PCDHGA3: variants seen among roughly 807,000 people sequenced by gnomAD.
The protein encoded by PCDHGA3 is protocadherin gamma-A3.
In PCDHGA3, 40 loss-of-function variants were observed where a neutral mutation model predicts 58.5. The ratio of observed to expected loss-of-function variants is 0.68; its 90% CI spans 0.53 to 0.89. The LOEUF (loss-of-function observed/expected upper bound fraction) is 0.89. Among genes scored for constraint, PCDHGA3 ranks in the 40% least tolerant of loss-of-function variants. PCDHGA3 has a pLI of 0.00. For missense variants in PCDHGA3, 1,223 were observed against 1,195.9 expected (o/e 1.02, Z -0.33); for synonymous variants, 530 against 525.7 (o/e 1.01, Z -0.11).
chr5:141,466,992 A>ATTT (rs985433044), intron 1 of PCDHGA3, among the ~76,000 whole-genome samples: 1 of 148,706 alleles, frequency 6.7e-6, no homozygotes, highest in African/African-American at 2.5e-5. Flanking sequence ...ACCTTTTGGC[A>ATTT]TTTTTTTGCA....
At chr5:141,386,658 G>A (rs191902245) in intron 1 of PCDHGA3, among the ~76,000 whole-genome samples, 60 of 151,932 alleles carry the variant, frequency 3.9e-4, no homozygotes, top group African/African-American at 1.4e-3. Context: ...TACAAGTTCT[G>A]CAGTGTTCAC....
In PCDHGA3 at chr5:141,491,737, G is replaced by A; in HGVS notation, c.2425-3070G>A. The A allele has an allele frequency of 6.2e-7, 1 of 1,600,586 alleles. No homozygotes were observed. Among genetic ancestry groups the A allele is most frequent in the Non-Finnish European group, 8.5e-7 (1 of 1,174,266 alleles). On this transcript the variant is annotated intron_variant, in intron 1 of 3. Coordinates refer to ENST00000253812, the MANE Select transcript of PCDHGA3 (RefSeq NM_018916.4). This position sits in a 1 kb window ranked among gnomAD's most constrained non-coding sequence, Gnocchi z 6.9. ...GGCGCCGCCCCGGGCGACCCCTGGG[G>A]GCGGCACTGGAGAAGCCGCCCGTCC...
intron 2 of PCDHGA3, among the ~76,000 whole-genome samples, chr5:141,498,792 G>A (rs1217057199): frequency 2.6e-5 from 4 of 152,086 alleles, no homozygotes; most frequent in Admixed American, 2.6e-4. Context: ...TATTAGCCAG[G>A]TGTGGTGGTG....
At chr5:141,502,074 C>G (rs73794927) in intron 2 of PCDHGA3, among the ~76,000 whole-genome samples, 1,657 of 152,272 alleles carry the variant, frequency 0.011, 27 homozygotes, top group African/African-American at 0.037. Flanking sequence ...CCCCCTTCAC[C>G]TGGGGCTGAG....
In PCDHGA3 at chr5:141,387,872, G is replaced by T. The variant is rs1436610477; in HGVS notation, c.2424+41415G>T. ...TCTCCAGGCTGGTGAGCAAGCTGAG[G>T]AGAGCAAGAGGGATGGGGAGCGGCG... is the stretch of plus-strand genomic sequence containing the variant. On this transcript the variant is annotated intron_variant, in intron 1 of 3. Coordinates refer to ENST00000253812, the MANE Select transcript of PCDHGA3 (RefSeq NM_018916.4). The T allele has an allele frequency of 1.8e-5, 28 of 1,588,586 alleles. No homozygotes were observed. In the Admixed American group the frequency reaches 4.7e-4, roughly 26 times the overall value.
intron 1 of PCDHGA3, chr5:141,375,488 G>A: frequency 6.2e-7 from 1 of 1,613,976 alleles, no homozygotes; most frequent in East Asian, 2.2e-5. Flanking sequence ...CCCCAGGGGT[G>A]CCTCCATCTT....
rs754225999 is a variant in PCDHGA3, at chr5:141,489,509, T to C, written c.2425-5298T>C. The C allele has an allele frequency of 1.2e-6, 2 of 1,614,062 alleles. No homozygotes were observed. The highest frequency in any genetic ancestry group is 1.1e-5 in the South Asian group (1 of 91,074). On this transcript the variant is annotated intron_variant, in intron 1 of 3. Coordinates refer to ENST00000253812, the MANE Select transcript of PCDHGA3 (RefSeq NM_018916.4). The surrounding 1 kb of genome is among the most constrained non-coding windows in gnomAD (Gnocchi z 4.5). ...GGTGCCCTGGCAGTGAATCAAAAGA[T>C]TGACCGAGAAAGCCTATGTGGAGCC...
chr5:141,393,776 C>G, intron 1 of PCDHGA3: 1 of 1,613,714 alleles, frequency 6.2e-7, no homozygotes, highest in Admixed American at 1.7e-5. Flanking sequence ...AAATACAAGC[C>G]GAAGATGTGG....
intron 2 of PCDHGA3, among the ~76,000 whole-genome samples, chr5:141,500,184 TTTTATTTA>T (rs58019021): frequency 0.099 from 13,469 of 135,812 alleles, 757 homozygotes; most frequent in African/African-American, 0.15. Context: ...TCATTTTTAT[TTTTATTTA>T]TTTATTTATT....
rs368105487 is a variant in PCDHGA3 at position 141,489,478 on chromosome 5, A to G, written c.2425-5329A>G. On this transcript the variant is annotated intron_variant, in intron 1 of 3. Transcript: ENST00000253812. This position sits in a 1 kb window ranked among gnomAD's most constrained non-coding sequence, Gnocchi z 4.5. Reference sequence around the variant, plus strand: ...TGGGCGCTATTTTTCCCTGAGCTTGATGAGTGGTGCCCTGGCAGTGAATCA... The same window carrying G: ...TGGGCGCTATTTTTCCCTGAGCTTGGTGAGTGGTGCCCTGGCAGTGAATCA... The G allele has an allele frequency of 1.1e-5, 18 of 1,613,956 alleles. No individual in the cohort carries two copies. The highest frequency in any genetic ancestry group is 1.5e-5 in the Non-Finnish European group (18 of 1,180,030).
chr5:141,408,720 A>T, intron 1 of PCDHGA3: 1 of 1,611,332 alleles, frequency 6.2e-7, no homozygotes, highest in Non-Finnish European at 8.5e-7. Context: ...TATAAGATAA[A>T]CTCTAATCCT....
At chr5:141,428,124 C>G in intron 1 of PCDHGA3, 2 of 1,605,400 alleles carry the variant, frequency 1.2e-6, no homozygotes, top group Non-Finnish European at 1.7e-6. Flanking sequence ...CGAGCCCGGG[C>G]TTTTCAGCCT....
chr5:141,423,268 T>G (rs752667215), intron 1 of PCDHGA3: 1 of 1,613,552 alleles, frequency 6.2e-7, no homozygotes, highest in South Asian at 1.1e-5. Flanking sequence ...CAGCCTCGAG[T>G]CTCTGGCTAA....
chr5:141,490,906 G>C lies in PCDHGA3; in HGVS notation c.2425-3901G>C. On this transcript the variant is annotated intron_variant, in intron 1 of 3. Transcript: ENST00000253812. The surrounding 1 kb of genome is among the most constrained non-coding windows in gnomAD (Gnocchi z 5.4). ...CACATCTCTGCATGTGTTTGTCCTA[G>C]ACGAGAATGATAATGCCCCAGCTGT... The C allele has an allele frequency of 1.9e-6, 3 of 1,613,798 alleles. No individual in the cohort carries two copies. The highest frequency in any genetic ancestry group is 2.5e-6 in the Non-Finnish European group (3 of 1,179,808).
In PCDHGA3 at chr5:141,486,661, G is replaced by T. The variant is rs373446844; in HGVS notation, c.2425-8146G>T. ...CGCTTATCTCCTACTCACTCCTGGA[G>T]CCCAGGAATCGAGATGTATCAGCTT... is the stretch of plus-strand genomic sequence containing the variant. On this transcript the variant is annotated intron_variant, in intron 1 of 3. Transcript: ENST00000253812. The surrounding 1 kb of genome is among the most constrained non-coding windows in gnomAD (Gnocchi z 5.0). 6.2e-6 allele frequency: 10 copies of T among 1,613,836 alleles called. No individual in the cohort carries two copies. Among genetic ancestry groups the T allele is most frequent in the African/African-American group, 4.0e-5 (3 of 74,918 alleles).
intron 1 of PCDHGA3, chr5:141,414,615 G>A: frequency 6.2e-7 from 1 of 1,613,962 alleles, no homozygotes; most frequent in Non-Finnish European, 8.5e-7. Context: ...CAGTGACAGC[G>A]CTGGACCCGG....
At chr5:141,471,802 A>G (rs2154571076) in intron 1 of PCDHGA3, among the ~76,000 whole-genome samples, 1 of 152,362 alleles carries the variant, frequency 6.6e-6, no homozygotes, top group African/African-American at 2.4e-5. Context: ...TATAAAAGAC[A>G]TATAAAAGAC....
intron 1 of PCDHGA3, chr5:141,361,668 C>A: frequency 1.2e-6 from 2 of 1,613,670 alleles, no homozygotes; most frequent in Non-Finnish European, 1.7e-6. Flanking sequence ...GCGCGCAGAG[C>A]GGGGTGGTGT....
intron 1 of PCDHGA3, chr5:141,361,959 G>A: frequency 6.2e-7 from 1 of 1,602,806 alleles, no homozygotes; most frequent in Non-Finnish European, 8.5e-7. Flanking sequence ...CCTACCACGT[G>A]CTGCAGGCCA....
Sources: allele counts gnomAD v4.1 joint callset (sites outside exome capture counted in the v4.1 genomes callset), GRCh38; gene constraint gnomAD v4.1.1; non-coding constraint Gnocchi (gnomAD v3.1); transcripts MANE v1.5; gene names NCBI Gene and HGNC (gene_info 2026-07-23, HGNC 2026-07-21).